CSMD1: variants seen among roughly 807,000 people sequenced by gnomAD.
The protein encoded by CSMD1 is CUB and Sushi multiple domains 1, also known as CUB and sushi domain-containing protein 1.
In CSMD1, 213 loss-of-function variants were observed where a neutral mutation model predicts 417.5. The observed-to-expected ratio is 0.51, with a 90% CI of 0.46 to 0.57. The LOEUF (loss-of-function observed/expected upper bound fraction) is 0.57, where lower values mean the gene tolerates loss of function less well. CSMD1 is among the 20% of genes least tolerant of loss of function. The pLI is 0.00. For missense variants in CSMD1, 6,923 were observed against 4,529.7 expected, an observed-to-expected ratio of 1.53 and a Z score of -15.17; for synonymous variants, 2,862 against 1,736.8, an observed-to-expected ratio of 1.65 and a Z score of -16.11.
At position 3,606,404 on chromosome 8, in the gene CSMD1, G is replaced by T. The variant is rs1485581245; in HGVS notation, c.1097+10306C>A. Among the ~76,000 whole-genome samples the T allele has an allele frequency of 2.6e-5, 4 of 152,082 alleles. No homozygotes were observed. The South Asian group carries it at 6.2e-4, about 24-fold the overall frequency. On this transcript the variant is annotated intron_variant, in intron 8 of 69. Transcript: ENST00000635120. ...ACTGTACTGAGTACTGTAGGCAATT[G>T]AACACAATGGTAAGTGTTCGTATAT...
intron 7 of CSMD1, among the ~76,000 whole-genome samples, chr8:3,664,755 T>G (rs911386788): frequency 2.0e-5 from 3 of 152,154 alleles, no homozygotes; most frequent in Non-Finnish European, 4.4e-5. Context: ...AGGTTAACAT[T>G]GAAAATAAAG....
At chr8:3,888,422 C>T (rs185779738) in intron 5 of CSMD1, among the ~76,000 whole-genome samples, 2 of 152,142 alleles carry the variant, frequency 1.3e-5, no homozygotes, top group East Asian at 3.9e-4. Context: ...CTTTTTTTAC[C>T]TTAATGCAAG....
At chr8:4,396,367 T>C (rs73177353) in intron 3 of CSMD1, among the ~76,000 whole-genome samples, 30,065 of 151,342 alleles carry the variant, frequency 0.2, 3,731 homozygotes, top group East Asian at 0.38. Context: ...CTCAGGAAGC[T>C]GAGGCAGGAG....
chr8:3,158,649 AC>A (rs1249032363), intron 38 of CSMD1, among the ~76,000 whole-genome samples: 2 of 147,136 alleles, frequency 1.4e-5, no homozygotes, highest in African/African-American at 5.4e-5. Flanking sequence ...GAAAAAAAAA[AC>A]AAACAGTAGA....
intron 54 of CSMD1, among the ~76,000 whole-genome samples, chr8:2,987,579 C>T (rs1048550387): frequency 6.6e-6 from 1 of 152,154 alleles, no homozygotes; most frequent in Admixed American, 6.5e-5. Context: ...TCGGATATAA[C>T]TCACAATTTT....
intron 3 of CSMD1, among the ~76,000 whole-genome samples, chr8:4,338,424 C>T (rs190880613): frequency 2.6e-5 from 4 of 152,174 alleles, no homozygotes; most frequent in African/African-American, 4.8e-5. Flanking sequence ...ATCAAGACCT[C>T]ATCAGAGCCA....
chr8:4,435,070 G>C (rs76123183), intron 2 of CSMD1, among the ~76,000 whole-genome samples: 1 of 151,780 alleles, frequency 6.6e-6, no homozygotes, highest in African/African-American at 2.4e-5. Flanking sequence ...GTAATATATC[G>C]GTGTAATAAA....
At chr8:3,927,767 C>A (rs1296711710) in intron 5 of CSMD1, among the ~76,000 whole-genome samples, 3 of 152,146 alleles carry the variant, frequency 2.0e-5, no homozygotes, top group South Asian at 2.1e-4. Flanking sequence ...ATAAGCAGAA[C>A]ACTAAGAAAA....
At chr8:3,273,709 T>C (rs1310808067) in intron 26 of CSMD1, among the ~76,000 whole-genome samples, 1 of 152,196 alleles carries the variant, frequency 6.6e-6, no homozygotes, top group Non-Finnish European at 1.5e-5. Flanking sequence ...GATTTTCTAG[T>C]TTATTTGCAT....
chr8:3,494,510 G>A lies in CSMD1; in HGVS notation c.1345-784C>T, dbSNP rs1408837943. ...TTAGAGGAATGATAGATAGATGATA[G>A]ATTAGATGGATGGTAGAAGATTAGC... On this transcript the variant is annotated intron_variant, in intron 10 of 69. Transcript: ENST00000635120. Among the ~76,000 whole-genome samples the A allele has an allele frequency of 7.9e-5, 12 of 152,170 alleles. No homozygotes were observed. In the East Asian group the frequency reaches 2.3e-3, roughly 29 times the overall value.
intron 10 of CSMD1, among the ~76,000 whole-genome samples, chr8:3,569,012 T>C (rs1042750424): frequency 6.6e-6 from 1 of 152,178 alleles, no homozygotes; most frequent in Non-Finnish European, 1.5e-5. Flanking sequence ...TCAAGAGTTC[T>C]GAAAATAGCT....
intron 49 of CSMD1, among the ~76,000 whole-genome samples, chr8:3,078,825 G>A (rs10081479): frequency 0.34 from 51,179 of 151,830 alleles, 8,775 homozygotes; most frequent in East Asian, 0.42. Context: ...CTGCTTGACA[G>A]CCAACCAATA....
chr8:4,684,645 G>A (rs1194906364), intron 1 of CSMD1, among the ~76,000 whole-genome samples: 1 of 152,110 alleles, frequency 6.6e-6, no homozygotes, highest in Non-Finnish European at 1.5e-5. Flanking sequence ...TGAATGTAAG[G>A]ATTATAAGGC....
intron 12 of CSMD1, among the ~76,000 whole-genome samples, chr8:3,417,118 TTC>T (rs748068153): frequency 2.1e-4 from 32 of 152,324 alleles, no homozygotes; most frequent in South Asian, 4.1e-4. Context: ...GTAATACAAT[TTC>T]TGTTTGACAT....
chr8:3,544,901 A>C (rs1025395805), intron 10 of CSMD1, among the ~76,000 whole-genome samples: 2 of 152,260 alleles, frequency 1.3e-5, no homozygotes, highest in Non-Finnish European at 2.9e-5. Flanking sequence ...CTATGAATTA[A>C]TACCAACTTA....
chr8:4,034,846 T>C (rs1010602339), intron 3 of CSMD1, among the ~76,000 whole-genome samples: 1 of 152,196 alleles, frequency 6.6e-6, no homozygotes, highest in African/African-American at 2.4e-5. Flanking sequence ...CAGATAATTG[T>C]TCCCCAAAGA....
intron 1 of CSMD1, among the ~76,000 whole-genome samples, chr8:4,774,278 G>C (rs1298933021): frequency 6.6e-6 from 1 of 152,164 alleles, no homozygotes; most frequent in Non-Finnish European, 1.5e-5. Context: ...TAAATTAACA[G>C]TGCAGTTTGA....
At chr8:4,315,590 G>A (rs1031844862) in intron 3 of CSMD1, among the ~76,000 whole-genome samples, 1 of 152,126 alleles carries the variant, frequency 6.6e-6, no homozygotes, top group Admixed American at 6.6e-5. Context: ...CCAGAACTTT[G>A]CCAGATATTA....
chr8:4,578,265 A>G (rs1461806099), intron 2 of CSMD1, among the ~76,000 whole-genome samples: 1 of 147,086 alleles, frequency 6.8e-6, no homozygotes. Context: ...GGTTCACGCC[A>G]TTCTCCTGCC....
Sources: gnomAD v4.1 joint callset for allele counts (sites outside exome capture counted in the v4.1 genomes callset) on GRCh38, gnomAD v4.1.1 for gene constraint, MANE v1.5 for transcripts, NCBI Gene and HGNC (gene_info 2026-07-23, HGNC 2026-07-21) for gene names.